Variants in SOX6 observed in about 807,000 individuals in gnomAD.
The protein encoded by SOX6 is SRY-box transcription factor 6, also known as transcription factor SOX-6.
In SOX6, 11 loss-of-function variants were observed where a neutral mutation model predicts 97.8. The observed-to-expected ratio is 0.11, with a 90% CI of 0.07 to 0.19. The LOEUF (loss-of-function observed/expected upper bound fraction) is 0.19, where lower values mean the gene tolerates loss of function less well. SOX6 is among the 10% of genes least tolerant of loss of function. The probability of loss-of-function intolerance (pLI) is 1.00; values close to 1 mark genes in which losing one functional copy is unlikely to be tolerated. For missense variants in SOX6, 810 were observed against 1,039.5 expected, an observed-to-expected ratio of 0.78 and a Z score of 3.04; for synonymous variants, 360 against 371.4, an observed-to-expected ratio of 0.97 and a Z score of 0.35.
intron 6 of SOX6, 70 bp downstream of exon 6, chr11:16,183,816 G>T: frequency 6.9e-7 from 1 of 1,448,764 alleles, no homozygotes; most frequent in South Asian, 1.1e-5. Flanking sequence ...CATCTGCAGA[G>T]TTTTAAATTC....
intron 3 of SOX6, among the ~76,000 whole-genome samples, chr11:16,623,160 A>T (rs1590016270): frequency 6.6e-6 from 1 of 152,090 alleles, no homozygotes; most frequent in East Asian, 1.9e-4. Flanking sequence ...AGCTGGGATT[A>T]CAGGGGCGCG....
At chr11:16,435,688 C>G (rs887502910) in intron 1 of SOX6, among the ~76,000 whole-genome samples, 1 of 151,948 alleles carries the variant, frequency 6.6e-6, no homozygotes, top group Admixed American at 6.6e-5. Flanking sequence ...GTTACAGCAG[C>G]AGCAGCAGCC....
intron 3 of SOX6, among the ~76,000 whole-genome samples, chr11:16,284,981 C>T (rs145350090): frequency 1.3e-5 from 2 of 152,102 alleles, no homozygotes; most frequent in East Asian, 1.9e-4. Context: ...ATTAAAAGCA[C>T]ATAGTATATA....
At chr11:16,341,342 A>G in intron 1 of SOX6, 90 bp from the exon 2 acceptor site, 1 of 1,518,082 alleles carries the variant, frequency 6.6e-7, no homozygotes. Flanking sequence ...GGAAAGAAGG[A>G]AAGTTATTTA....
intron 4 of SOX6, among the ~76,000 whole-genome samples, chr11:16,522,347 T>C (rs561563761): frequency 6.6e-6 from 1 of 152,216 alleles, no homozygotes; most frequent in Non-Finnish European, 1.5e-5. Flanking sequence ...AAGAAAAGAA[T>C]TTTCAACCCA....
At chr11:16,473,335 C>T (rs1860175390) in intron 1 of SOX6, among the ~76,000 whole-genome samples, 1 of 152,178 alleles carries the variant, frequency 6.6e-6, no homozygotes, top group South Asian at 2.1e-4. Flanking sequence ...TGACACTATA[C>T]TGTACTCTGG....
At chr11:16,594,045 G>C (rs958318811) in intron 4 of SOX6, among the ~76,000 whole-genome samples, 2 of 152,090 alleles carry the variant, frequency 1.3e-5, no homozygotes. Flanking sequence ...TCACAACTAA[G>C]ACACAGCTAA....
intron 6 of SOX6, among the ~76,000 whole-genome samples, chr11:16,145,530 G>A (rs1232182650): frequency 6.6e-6 from 1 of 152,094 alleles, no homozygotes; most frequent in African/African-American, 2.4e-5. Context: ...GAAATAAAGG[G>A]TATTCAATTA....
chr11:16,220,753 G>GGTT lies in SOX6; in HGVS notation c.535+13826_535+13828dup, dbSNP rs536830687. Among the ~76,000 whole-genome samples, 626 of 152,034 alleles carry GGTT rather than the reference G, an allele frequency of 4.1e-3. 1 individual carries two copies. The highest frequency in any genetic ancestry group is 7.2e-3 in the Non-Finnish European group (488 of 67,898). On this transcript the variant is annotated intron_variant, in intron 4 of 15. Coordinates refer to ENST00000683767, the MANE Select transcript of SOX6 (RefSeq NM_001367873.1). ...TCTTCACATTAATCCTGAAATGCAT[G>GGTT]GTTGTTGTTGTTGTTGTTTTTTAAC...
In SOX6 at chr11:16,046,550, T is replaced by C. The variant is rs748003718; in HGVS notation, c.1587A>G (p.Ile529Met). The C allele has an allele frequency of 6.2e-6, 10 of 1,613,680 alleles. No individual in the cohort carries two copies. In the East Asian group the frequency reaches 2.2e-4, roughly 36 times the overall value. The part of the protein sequence containing the change: ...PHGVDGKLSS[I>M]NNMGLNSCRN... ...TGCAGCTGTTCAGCCCCATATTATT[T>C]ATGGAGGACAGTTTCCCGTCAACAC... The change falls in exon 12 of 16, where the codon ATA becomes ATG. Residue 529 changes from isoleucine to methionine, a missense_variant. Coordinates refer to ENST00000683767, the MANE Select transcript of SOX6 (RefSeq NM_001367873.1).
chr11:16,631,175 G>A (rs1251020890), intron 3 of SOX6, among the ~76,000 whole-genome samples: 1 of 151,342 alleles, frequency 6.6e-6, no homozygotes, highest in Non-Finnish European at 1.5e-5. Flanking sequence ...TGCTTTATAA[G>A]GTCTTTAGGC....
intron 1 of SOX6, among the ~76,000 whole-genome samples, chr11:16,415,417 T>C (rs1305648006): frequency 6.6e-6 from 1 of 152,078 alleles, no homozygotes; most frequent in Non-Finnish European, 1.5e-5. Flanking sequence ...AGGGAGAAGT[T>C]GGTTAAAAGA....
chr11:16,496,360 G>A (rs1179615222), intron 4 of SOX6, among the ~76,000 whole-genome samples: 4 of 151,196 alleles, frequency 2.6e-5, no homozygotes, highest in Non-Finnish European at 5.9e-5. Flanking sequence ...GGCTGAATAG[G>A]AACAGCTCCA....
chr11:16,241,788 C>A (rs1479965186), intron 3 of SOX6, among the ~76,000 whole-genome samples: 2 of 151,926 alleles, frequency 1.3e-5, no homozygotes, highest in African/African-American at 4.8e-5. Flanking sequence ...CCACCTGGCA[C>A]ATAGATAGAG....
At chr11:16,706,524 A>G (rs866603182) in intron 3 of SOX6, among the ~76,000 whole-genome samples, 2 of 100,670 alleles carry the variant, frequency 2.0e-5, no homozygotes, top group South Asian at 4.0e-4. Context: ...ATATATATAT[A>G]GTGTAAGACG....
At position 16,721,618 on chromosome 11, in the gene SOX6, C is replaced by CCTCTCT. The variant is rs59547335; in HGVS notation, n.354-6719_354-6714dup. ...TCTCTCTTCCCTCCCTCCCTCCCTC[C>CCTCTCT]CTCTCTCTCTCTCTCTCTCTCTCTC... On this transcript the variant is annotated intron_variant and non_coding_transcript_variant, in intron 2 of 5. Transcript: ENST00000524520. 2.5e-3 allele frequency among the ~76,000 whole-genome samples: 55 copies of CCTCTCT among 22,346 alleles called. 1 individual carries two copies. Among genetic ancestry groups the CCTCTCT allele is most frequent in the African/African-American group, 0.01 (51 of 5,004 alleles). 14.7% of individuals were successfully genotyped at this position (22,346 alleles called of 152,430 possible). A position where few individuals can be genotyped will look rare whatever the true frequency, so the allele number is the denominator to read the frequency against.
At chr11:16,676,108 C>A (rs996136836) in intron 3 of SOX6, among the ~76,000 whole-genome samples, 29 of 144,340 alleles carry the variant, frequency 2.0e-4, no homozygotes, top group African/African-American at 6.8e-4. Context: ...CATTCATTTT[C>A]CTGATCTTCA....
At position 16,324,138 on chromosome 11, in the gene SOX6, T is replaced by C. The variant is rs553124134; in HGVS notation, c.238-5485A>G. Among the ~76,000 whole-genome samples, 3 of 152,082 alleles carry C rather than the reference T, an allele frequency of 2.0e-5. No homozygotes were observed. The South Asian group carries it at 6.2e-4, about 32-fold the overall frequency. ...GGTCCAGGCCACAGTAAGCCATGAT[T>C]GCTCCACTGCACTCCAGCCTGGGCA... is the stretch of plus-strand genomic sequence containing the variant. On this transcript the variant is annotated intron_variant, in intron 2 of 15. Transcript: ENST00000683767.
At position 16,183,941 on chromosome 11, in the gene SOX6, T is replaced by C. The variant is rs2134102045; in HGVS notation, c.722A>G (p.Gln241Arg). ...RQQQEQIARQ[Q>R]QQLLQQQHKI... ...GTGCTGCTGTTGCAGAAGTTGCTGC[T>C]GTTGTCTCGCAATCTATCAGAAATA... The change falls in exon 6 of 16, where the codon CAG becomes CGG. Residue 241 changes from glutamine (Q) to arginine (R), a missense_variant. Physicochemically the swap from Gln to Arg is conservative, Grantham distance 43 (BLOSUM62 1). Transcript: ENST00000683767. 6.2e-7 allele frequency: 1 copy of C among 1,612,328 alleles called. No individual in the cohort carries two copies.
Sources: gnomAD v4.1 joint callset for allele counts (sites outside exome capture counted in the v4.1 genomes callset) on GRCh38, gnomAD v4.1.1 for gene constraint, MANE v1.5 for transcripts, NCBI Gene and HGNC (gene_info 2026-07-23, HGNC 2026-07-21) for gene names.